The following TAP1 variants were observed in gnomAD, a reference collection of about 807,000 sequenced individuals.
TAP1 encodes the protein transporter 1, ATP binding cassette subfamily B member, also known as antigen peptide transporter 1.
Under a neutral mutation model 79.3 loss-of-function variants are expected in TAP1, and 56 were observed. That is an observed-to-expected ratio of 0.71 (90% CI 0.57 to 0.88). The LOEUF (loss-of-function observed/expected upper bound fraction) is 0.88, where lower values mean the gene tolerates loss of function less well. Among genes scored for constraint, TAP1 ranks in the 40% least tolerant of loss-of-function variants. TAP1 has a pLI of 0.00. For synonymous variants in TAP1, 355 were observed against 401.4 expected (o/e 0.88, Z 1.38); for missense variants, 737 against 936.3 (o/e 0.79, Z 2.78).
At position 32,847,744 on chromosome 6, in the gene TAP1, A is replaced by G; in HGVS notation, c.1741-69T>C. ...GAGTATGGTTATCTAGAGATCGAAG[A>G]CTCAAAATCTTTATTGAGAACATGT... On this transcript the variant is annotated intron_variant, in intron 8 of 10. Coordinates refer to ENST00000354258, the MANE Select transcript of TAP1 (RefSeq NM_000593.6). The surrounding 1 kb of genome is among the most constrained non-coding windows in gnomAD (Gnocchi z 4.7). 1.3e-6 allele frequency: 2 copies of G among 1,591,888 alleles called. No homozygotes were observed. The highest frequency in any genetic ancestry group is 1.7e-6 in the Non-Finnish European group (2 of 1,161,662).
At position 32,853,271 on chromosome 6, in the gene TAP1, G is replaced by C; in HGVS notation, c.366C>G (p.Pro122=). The C allele has an allele frequency of 1.3e-6, 2 of 1,588,858 alleles. No homozygotes were observed. The highest frequency in any genetic ancestry group is 1.1e-5 in the South Asian group (1 of 88,462). Residue 122 remains proline (P), a synonymous_variant, in exon 1 of 11, where the codon CCC becomes CCG. Transcript: ENST00000354258. This position sits in a 1 kb window ranked among gnomAD's most constrained non-coding sequence, Gnocchi z 8.3. Reference sequence around the variant, plus strand: ...GTAGCCTGGTGCTATCCGCGGACCCGGGGGCTCCCCATGAGATCAGCTCTC... The same window carrying C: ...GTAGCCTGGTGCTATCCGCGGACCCCGGGGCTCCCCATGAGATCAGCTCTC... ...LFRELISWGA[P]GSADSTRLLH...
Position 32,847,657 on chromosome 6 carries a change from C to T in TAP1, c.1759G>A (p.Glu587Lys), listed in dbSNP as rs781359023. ...AGACTTCTTCCAAATACCTGTGGCTCTTGTCCCACTGCAGCCACCTGAGAT... is the reference window on the plus strand; with the variant it reads ...AGACTTCTTCCAAATACCTGTGGCTTTTGTCCCACTGCAGCCACCTGAGAT... ...LHRQVAAVGQ[E>K]PQVFGRSLQE... The change falls in exon 9 of 11, where the codon GAG becomes AAG. Residue 587 changes from glutamate (E) to lysine (K), a missense_variant. Transcript: ENST00000354258. The surrounding 1 kb of genome is among the most constrained non-coding windows in gnomAD (Gnocchi z 4.7). The T allele has an allele frequency of 6.8e-6, 11 of 1,613,726 alleles. No individual in the cohort carries two copies. Among genetic ancestry groups the T allele is most frequent in the Admixed American group, 1.7e-5 (1 of 60,008 alleles).
At chr6:32,849,162 G>A (rs1319650517) in intron 5 of TAP1, 44 bp from the exon 6 acceptor site, 1 of 1,557,208 alleles carries the variant, frequency 6.4e-7, no homozygotes, top group Non-Finnish European at 8.7e-7. Context: ...AGAGAAATCT[G>A]GAGGGGACAC....
chr6:32,848,466 C>T (rs755573229), intron 7 of TAP1, among the ~76,000 whole-genome samples, 186 bp downstream of exon 7: 5 of 152,250 alleles, frequency 3.3e-5, no homozygotes, highest in Non-Finnish European at 7.3e-5. Flanking sequence ...CTCTCATTCT[C>T]TTTGGAAGCC....
At chr6:32,849,181 G>A (rs4148882) in intron 5 of TAP1, 63 bp from the exon 6 acceptor site, 1,001,313 of 1,545,400 alleles carry the variant, frequency 0.65, 327,941 homozygotes, top group African/African-American at 0.89. Context: ...ACAAAGAACC[G>A]CAGTCATTAA....
In TAP1 at chr6:32,845,392, T is replaced by C. The variant is rs1359611290; in HGVS notation, c.*187A>G. 5.9e-6 allele frequency: 4 copies of C among 676,874 alleles called. No homozygotes were observed. The highest frequency in any genetic ancestry group is 2.7e-5 in the East Asian group (1 of 36,862). The allele number at this position is 676,874 out of a possible 1,614,324, so 41.9% of individuals were successfully genotyped here. ...CTCTAAACTCCGTTACAGTAAGGAATTACAAATCCTGTGTTTGTACTCCAG... is the reference window on the plus strand; with the variant it reads ...CTCTAAACTCCGTTACAGTAAGGAACTACAAATCCTGTGTTTGTACTCCAG... On this transcript the variant is annotated 3_prime_UTR_variant, in exon 11 of 11. Transcript: ENST00000354258. The surrounding 1 kb of genome is among the most constrained non-coding windows in gnomAD (Gnocchi z 4.5).
At position 32,850,994 on chromosome 6, in the gene TAP1, T is replaced by TGATCA; in HGVS notation, c.995_999dup (p.Thr334Ter). ...GGCAGAAGGAAAAGCAGAGGCAGGGTGATCAGGGTGACCATGGTGAGGGAC... is the reference window on the plus strand; with the variant it reads ...GGCAGAAGGAAAAGCAGAGGCAGGGTGATCAGATCAGGGTGACCATGGTGAGGGAC... On this transcript the variant is annotated stop_gained and frameshift_variant, in exon 4 of 11. Coordinates refer to ENST00000354258, the MANE Select transcript of TAP1 (RefSeq NM_000593.6). LOFTEE classifies it high-confidence loss of function. The surrounding 1 kb of genome is among the most constrained non-coding windows in gnomAD (Gnocchi z 5.5). 6.2e-7 allele frequency: 1 copy of TGATCA among 1,612,710 alleles called. No homozygotes were observed. The highest frequency in any genetic ancestry group is 8.5e-7 in the Non-Finnish European group (1 of 1,179,910).
rs1460643451 is a variant in TAP1 at position 32,851,040 on chromosome 6, C to T, written c.954G>A (p.Gly318=). Residue 318 remains glycine, a synonymous_variant, in exon 4 of 11, where the codon GGG becomes GGA. Transcript: ENST00000354258. This position sits in a 1 kb window ranked among gnomAD's most constrained non-coding sequence, Gnocchi z 4.8. The part of the protein sequence containing the change: ...WYLVRGLCLL[G]IMLWGSVSLT... ...GGGACACTGATCCCCAGAGCATGAT[C>T]CCCAAGAGACATAGGCCTCGCACCA... The T allele has an allele frequency of 1.2e-6, 2 of 1,612,994 alleles. No homozygotes were observed. Among genetic ancestry groups the T allele is most frequent in the East Asian group, 4.5e-5 (2 of 44,878 alleles).
chr6:32,852,934 C>T lies in TAP1; in HGVS notation c.598+105G>A. 1 of 1,498,182 alleles carries T rather than the reference C, an allele frequency of 6.7e-7. No individual in the cohort carries two copies. Among genetic ancestry groups the T allele is most frequent in the Non-Finnish European group, 8.9e-7 (1 of 1,123,962 alleles). The allele number at this position is 1,498,182 out of a possible 1,614,324, so 92.8% of individuals were successfully genotyped here. A position where few individuals can be genotyped will look rare whatever the true frequency, so the allele number is the denominator to read the frequency against. On this transcript the variant is annotated intron_variant, in intron 1 of 10. Coordinates refer to ENST00000354258, the MANE Select transcript of TAP1 (RefSeq NM_000593.6). The surrounding 1 kb of genome is among the most constrained non-coding windows in gnomAD (Gnocchi z 4.8). ...ACCCACGCTAGGAGTCCTTCTCCTG[C>T]TCCACATTTCCCAGAACCCACGCTA...
rs760636031 is a variant in TAP1, at chr6:32,848,674, C to T, written c.1544G>A (p.Arg515His). The change falls in exon 7 of 11, where the codon CGC becomes CAC. Residue 515 changes from arginine to histidine, a missense_variant. Arg to His is a conservative substitution (Grantham distance 29, BLOSUM62 0). Around this residue, in one of 5 missense-constraint regions of TAP1, gnomAD observed 266 missense variants for 332.4 expected, o/e 0.80. Transcript: ENST00000354258. ...TACCTGTAGCACTAAGACATCTGGG[C>T]GGTTTGGGTAGGCAAAGGAGACATC... Reference protein sequence around the residue: ...FQDVSFAYPNRPDVLVLQGLT... With the variant: ...FQDVSFAYPNHPDVLVLQGLT... The T allele has an allele frequency of 2.6e-5, 42 of 1,613,818 alleles. No homozygotes were observed. The highest frequency in any genetic ancestry group is 1.0e-4 in the Admixed American group (6 of 59,998).
In TAP1 at chr6:32,847,807, A is replaced by G; in HGVS notation, c.1740+112T>C. The G allele has an allele frequency of 6.4e-7, 1 of 1,571,984 alleles. No homozygotes were observed. Among genetic ancestry groups the G allele is most frequent in the South Asian group, 1.1e-5 (1 of 90,218 alleles). ...CTACCTCCCTCCTGACTACACCACC[A>G]TCTCCACCCAAGGTCTCTTATCATT... On this transcript the variant is annotated intron_variant, in intron 8 of 10. Transcript: ENST00000354258. The surrounding 1 kb of genome is among the most constrained non-coding windows in gnomAD (Gnocchi z 4.7).
At position 32,847,325 on chromosome 6, in the gene TAP1, G is replaced by T; in HGVS notation, c.1904-121C>A. ...ACACCAAGATCTGACGGTTGTAGCT[G>T]GATAGGGGAGATTCTGGGAAGATGA... On this transcript the variant is annotated intron_variant, in intron 9 of 10. Transcript: ENST00000354258. The surrounding 1 kb of genome is among the most constrained non-coding windows in gnomAD (Gnocchi z 4.7). 6.6e-7 allele frequency: 1 copy of T among 1,521,366 alleles called. No individual in the cohort carries two copies. The highest frequency in any genetic ancestry group is 9.0e-7 in the Non-Finnish European group (1 of 1,111,740). 94.2% of individuals were successfully genotyped at this position (1,521,366 alleles called of 1,614,324 possible). A position where few individuals can be genotyped will look rare whatever the true frequency, so the allele number is the denominator to read the frequency against.
Position 32,847,687 on chromosome 6 carries a change from TATG to T in TAP1, c.1741-15_1741-13del, listed in dbSNP as rs1403572586. On this transcript the variant is annotated splice_polypyrimidine_tract_variant and intron_variant, in intron 8 of 10. Coordinates refer to ENST00000354258, the MANE Select transcript of TAP1 (RefSeq NM_000593.6). This position sits in a 1 kb window ranked among gnomAD's most constrained non-coding sequence, Gnocchi z 4.7. ...CCCACTGCAGCCACCTGAGATGAAA[TATG>T]ATGAAGAGTCATAGAACAAGGCACA... The T allele has an allele frequency of 1.9e-6, 3 of 1,613,326 alleles. No individual in the cohort carries two copies. Among genetic ancestry groups the T allele is most frequent in the Non-Finnish European group, 2.5e-6 (3 of 1,179,924 alleles).
chr6:32,851,364 A>G lies in TAP1; in HGVS notation c.845-215T>C, dbSNP rs1383066652. On this transcript the variant is annotated intron_variant, in intron 3 of 10. Transcript: ENST00000354258. The surrounding 1 kb of genome is among the most constrained non-coding windows in gnomAD (Gnocchi z 4.8). ...AAGGCCTGACCTTCATTTTAATTAT[A>G]AAGTCATTAATGCACATGTGAATTT... Among the ~76,000 whole-genome samples, 1 of 152,160 alleles carries G rather than the reference A, an allele frequency of 6.6e-6. No homozygotes were observed. The highest frequency in any genetic ancestry group is 2.1e-4 in the South Asian group (1 of 4,822).
chr6:32,850,625 G>A lies in TAP1; in HGVS notation c.1051-108C>T, dbSNP rs1770723467. On this transcript the variant is annotated intron_variant, in intron 4 of 10. Transcript: ENST00000354258. This position sits in a 1 kb window ranked among gnomAD's most constrained non-coding sequence, Gnocchi z 5.5. ...AAAGGTGAGAAGAGACAGAGGAAAA[G>A]GAGAAAAGAGAAAGAGACACAGCTA... 1 of 1,015,108 alleles carries A rather than the reference G, an allele frequency of 9.9e-7. No individual in the cohort carries two copies. Among genetic ancestry groups the A allele is most frequent in the African/African-American group, 1.6e-5 (1 of 63,016 alleles). 62.9% of individuals were successfully genotyped at this position (1,015,108 alleles called of 1,614,324 possible).
chr6:32,852,893 G>T lies in TAP1; in HGVS notation c.598+146C>A. 1 of 1,448,392 alleles carries T rather than the reference G, an allele frequency of 6.9e-7. No individual in the cohort carries two copies. The highest frequency in any genetic ancestry group is 9.1e-7 in the Non-Finnish European group (1 of 1,098,798). 89.7% of individuals were successfully genotyped at this position (1,448,392 alleles called of 1,614,324 possible). ...AGTCCAGTGCCGTTTCTTCTACACC[G>T]AAGTGGTGTTCCAAGACCCACGCTA... On this transcript the variant is annotated intron_variant, in intron 1 of 10. Coordinates refer to ENST00000354258, the MANE Select transcript of TAP1 (RefSeq NM_000593.6). The surrounding 1 kb of genome is among the most constrained non-coding windows in gnomAD (Gnocchi z 4.8).
Position 32,850,425 on chromosome 6 carries a change from G to A in TAP1, c.1143C>T (p.Ala381=). 6.2e-7 allele frequency: 1 copy of A among 1,614,216 alleles called. No individual in the cohort carries two copies. ...LSAMPTVRSF[A]NEEGEAQKFR... ...ACTTCTGGGCTTCGCCCTCCTCGTTGGCAAAGCTTCGAACTGTAGGCATGG... is the reference window on the plus strand; with the variant it reads ...ACTTCTGGGCTTCGCCCTCCTCGTTAGCAAAGCTTCGAACTGTAGGCATGG... Residue 381 remains alanine, a synonymous_variant, in exon 5 of 11, where the codon GCC becomes GCT. Coordinates refer to ENST00000354258, the MANE Select transcript of TAP1 (RefSeq NM_000593.6). The surrounding 1 kb of genome is among the most constrained non-coding windows in gnomAD (Gnocchi z 5.5).
Position 32,852,016 on chromosome 6 carries a change from T to A in TAP1, c.844+93A>T, listed in dbSNP as rs185956766. 6.6e-4 allele frequency: 993 copies of A among 1,503,460 alleles called. 1 individual carries two copies. Among genetic ancestry groups the A allele is most frequent in the African/African-American group, 5.8e-3 (422 of 72,268 alleles). 93.1% of individuals were successfully genotyped at this position (1,503,460 alleles called of 1,614,324 possible). On this transcript the variant is annotated intron_variant, in intron 3 of 10. Coordinates refer to ENST00000354258, the MANE Select transcript of TAP1 (RefSeq NM_000593.6). This position sits in a 1 kb window ranked among gnomAD's most constrained non-coding sequence, Gnocchi z 4.8. ...AAGGAACAATGTGTGTATGTGTGTG[T>A]GAGAGAGAGAGAGCGGGGAGGGGGG...
Position 32,847,122 on chromosome 6 carries a change from A to C in TAP1, c.1986T>G (p.Cys662Trp). The C allele has an allele frequency of 1.2e-6, 2 of 1,613,000 alleles. No homozygotes were observed. The highest frequency in any genetic ancestry group is 1.7e-6 in the Non-Finnish European group (2 of 1,180,040). Reference sequence around the variant, plus strand: ...TGGTGGCATCATCCAGGATAAGTACACACGGTTTCCGGATCAATGCTCGGG... The same window carrying C: ...TGGTGGCATCATCCAGGATAAGTACCCACGGTTTCCGGATCAATGCTCGGG... ...ALARALIRKP[C>W]VLILDDATSA... Residue 662 changes from cysteine to tryptophan, a missense_variant, in exon 10 of 11, where the codon TGT (cysteine) becomes TGG (tryptophan). Coordinates refer to ENST00000354258, the MANE Select transcript of TAP1 (RefSeq NM_000593.6). This position sits in a 1 kb window ranked among gnomAD's most constrained non-coding sequence, Gnocchi z 4.7.
Sources: allele counts gnomAD v4.1 joint callset (sites outside exome capture counted in the v4.1 genomes callset), GRCh38; gene constraint gnomAD v4.1.1; regional missense constraint gnomAD v4.1.1; non-coding constraint Gnocchi (gnomAD v3.1); transcripts MANE v1.5; gene names NCBI Gene and HGNC (gene_info 2026-07-23, HGNC 2026-07-21).